Variants in XPO1 observed in about 807,000 individuals in gnomAD.
The protein encoded by XPO1 is exportin 1.
XPO1 carries 5 observed loss-of-function variants against 133.3 expected under a neutral mutation model. The observed-to-expected ratio is 0.04, with a 90% CI of 0.02 to 0.08. XPO1 has a LOEUF of 0.08. XPO1 is among the 10% of genes least tolerant of loss of function. XPO1 has a pLI of 1.00. For missense variants in XPO1, 506 were observed against 1,267.5 expected (o/e 0.40, Z 9.12); for synonymous variants, 419 against 408.2 (o/e 1.03, Z -0.32).
intron 4 of XPO1, among the ~76,000 whole-genome samples, chr2:61,507,243 C>CAAAAAAAA (rs55737388): frequency 0.15 from 9,391 of 64,502 alleles, 1,310 homozygotes; most frequent in African/African-American, 0.22. Flanking sequence ...GACTCCATCT[C>CAAAAAAAA]AAAAAAAAAA....
At chr2:61,517,106 A>G (rs1698430650) in intron 4 of XPO1, among the ~76,000 whole-genome samples, 1 of 151,462 alleles carries the variant, frequency 6.6e-6, no homozygotes, top group South Asian at 2.1e-4. Flanking sequence ...GTTTCACCAC[A>G]CTGGCCAGGC....
intron 7 of XPO1, 74 bp from the exon 8 acceptor site, chr2:61,498,987 T>C (rs2104496748): frequency 1.4e-6 from 2 of 1,447,088 alleles, no homozygotes; most frequent in East Asian, 2.5e-5. Flanking sequence ...ATAATACTAA[T>C]AAAAATGATT....
chr2:61,511,574 G>A (rs986107774), intron 4 of XPO1, among the ~76,000 whole-genome samples: 8 of 152,118 alleles, frequency 5.3e-5, no homozygotes, highest in African/African-American at 1.9e-4. Flanking sequence ...ACCATACACT[G>A]CTAGTTTTCT....
chr2:61,518,927 T>G (rs1698546265), intron 4 of XPO1, among the ~76,000 whole-genome samples: 1 of 152,238 alleles, frequency 6.6e-6, no homozygotes, highest in Non-Finnish European at 1.5e-5. Context: ...TTAAATGTTC[T>G]TTTAAACATC....
intron 2 of XPO1, among the ~76,000 whole-genome samples, chr2:61,533,356 T>C (rs530614711): frequency 2.1e-4 from 32 of 152,342 alleles, no homozygotes; most frequent in African/African-American, 7.2e-4. Context: ...CAGTACCACT[T>C]TGAAAAGTGC....
At chr2:61,524,838 A>G (rs967695448) in intron 3 of XPO1, among the ~76,000 whole-genome samples, 1 of 152,214 alleles carries the variant, frequency 6.6e-6, no homozygotes, top group Non-Finnish European at 1.5e-5. Flanking sequence ...ATGTCACTTA[A>G]GCCCAGGAGT....
At chr2:61,528,693 A>G (rs553744015) in intron 2 of XPO1, among the ~76,000 whole-genome samples, 3 of 142,660 alleles carry the variant, frequency 2.1e-5, no homozygotes, top group African/African-American at 7.6e-5. Flanking sequence ...AGTTTTTTTC[A>G]TTTGACAGTT....
chr2:61,495,938 G>C (rs1052262284), intron 10 of XPO1, among the ~76,000 whole-genome samples: 2 of 152,076 alleles, frequency 1.3e-5, no homozygotes, highest in Non-Finnish European at 2.9e-5. Context: ...CAAAGTGCTG[G>C]GATTAAAGGT....
At chr2:61,488,354 T>C in intron 18 of XPO1, 83 bp from the exon 19 acceptor site, 1 of 1,366,806 alleles carries the variant, frequency 7.3e-7, no homozygotes, top group Admixed American at 2.1e-5. Flanking sequence ...TGCAATTCCA[T>C]TTTACCATTA....
chr2:61,497,088 A>C (rs963317669), intron 9 of XPO1, 81 bp from the exon 10 acceptor site: 4 of 1,497,858 alleles, frequency 2.7e-6, no homozygotes, highest in Non-Finnish European at 3.6e-6. Flanking sequence ...AAAAGGAAAA[A>C]GGCTTTAACA....
intron 3 of XPO1, among the ~76,000 whole-genome samples, chr2:61,524,788 C>T (rs910598273): frequency 1.6e-4 from 24 of 152,124 alleles, no homozygotes; most frequent in Non-Finnish European, 3.2e-4. Context: ...CATGGTGACA[C>T]GCACCTGTAG....
chr2:61,497,042 T>C (rs776282871), intron 9 of XPO1, 35 bp from the exon 10 acceptor site: 5 of 1,590,284 alleles, frequency 3.1e-6, no homozygotes, highest in South Asian at 2.3e-5. Flanking sequence ...ATAAAATTAA[T>C]TGGCCTGATA....
intron 3 of XPO1, among the ~76,000 whole-genome samples, chr2:61,524,901 G>C (rs1341313671): frequency 1.3e-5 from 2 of 152,104 alleles, no homozygotes; most frequent in Non-Finnish European, 2.9e-5. Context: ...CTGGGCAACA[G>C]AGGTCCTGTC....
At chr2:61,494,808 A>G (rs1445791150) in intron 11 of XPO1, 1 of 148,656 alleles carries the variant, frequency 6.7e-6, no homozygotes, top group African/African-American at 2.5e-5. Flanking sequence ...ATATATATAT[A>G]CTTAAGTTTA....
chr2:61,512,090 T>C (rs889605360), intron 4 of XPO1, among the ~76,000 whole-genome samples: 1 of 152,148 alleles, frequency 6.6e-6, no homozygotes, highest in Non-Finnish European at 1.5e-5. Context: ...TCTTACATTA[T>C]CCTACCATGG....
chr2:61,521,241 G>A (rs1363375889), intron 4 of XPO1, among the ~76,000 whole-genome samples: 1 of 152,082 alleles, frequency 6.6e-6, no homozygotes, highest in South Asian at 2.1e-4. Flanking sequence ...CTCTAAATGT[G>A]CTCAAACTTT....
intron 4 of XPO1, among the ~76,000 whole-genome samples, chr2:61,507,913 C>T (rs1180969033): frequency 6.6e-6 from 1 of 152,106 alleles, no homozygotes; most frequent in Non-Finnish European, 1.5e-5. Context: ...TTAATTAATT[C>T]CAAAGAAAGG....
chr2:61,515,683 G>A (rs921104951), intron 4 of XPO1, among the ~76,000 whole-genome samples: 11 of 152,040 alleles, frequency 7.2e-5, no homozygotes, highest in African/African-American at 1.4e-4. Flanking sequence ...CGTGTCTCAC[G>A]TCAAAGGAGA....
intron 24 of XPO1, among the ~76,000 whole-genome samples, 164 bp downstream of exon 24, chr2:61,481,021 G>A (rs1558624658): frequency 6.6e-6 from 1 of 152,186 alleles, no homozygotes; most frequent in Non-Finnish European, 1.5e-5. Context: ...GTTTTTCACT[G>A]TATTACCAGT....
Sources: allele counts gnomAD v4.1 joint callset (sites outside exome capture counted in the v4.1 genomes callset), GRCh38; gene constraint gnomAD v4.1.1; transcripts MANE v1.5; gene names NCBI Gene and HGNC (gene_info 2026-07-23, HGNC 2026-07-21).